Variants in OSBPL6 observed in about 807,000 individuals in gnomAD.
The protein encoded by OSBPL6 is oxysterol-binding protein-related protein 6.
Under a neutral mutation model 125.8 loss-of-function variants are expected in OSBPL6, and 49 were observed. The observed-to-expected ratio is 0.39, with a 90% confidence interval of 0.31 to 0.49. The LOEUF (loss-of-function observed/expected upper bound fraction) is 0.49. Among genes scored for constraint, OSBPL6 ranks in the 20% least tolerant of loss-of-function variants. OSBPL6 has a pLI of 0.88. For synonymous variants in OSBPL6, 394 were observed against 391.8 expected, an observed-to-expected ratio of 1.01 and a Z score of -0.07; for missense variants, 986 against 1,135.4, an observed-to-expected ratio of 0.87 and a Z score of 1.89.
At position 178,246,895 on chromosome 2, in the gene OSBPL6, G is replaced by A. The variant is rs114093948; in HGVS notation, c.-350-38032G>A. Among the ~76,000 whole-genome samples the A allele has an allele frequency of 2.8e-3, 429 of 152,192 alleles. 5 individuals carry two copies. The highest frequency in any genetic ancestry group is 0.01 in the African/African-American group (419 of 41,500). On this transcript the variant is annotated intron_variant, in intron 1 of 24. Transcript: ENST00000190611. ...GCCTTCGTCACAGGGACAGAGCCAC[G>A]TCTCTTCACAATCACTAGCAGCTGT...
chr2:178,384,921 A>C (rs768976485), intron 18 of OSBPL6, among the ~76,000 whole-genome samples: 1 of 152,178 alleles, frequency 6.6e-6, no homozygotes, highest in African/African-American at 2.4e-5. Flanking sequence ...TTAGGAATAA[A>C]ATGGGAGGCA....
chr2:178,284,446 A>G (rs1249971358), intron 1 of OSBPL6, among the ~76,000 whole-genome samples: 1 of 152,112 alleles, frequency 6.6e-6, no homozygotes, highest in African/African-American at 2.4e-5. Flanking sequence ...CCAGCTACTC[A>G]GGAGGCTGAG....
chr2:178,283,807 A>G (rs926979701), intron 1 of OSBPL6, among the ~76,000 whole-genome samples: 4 of 152,192 alleles, frequency 2.6e-5, no homozygotes, highest in Admixed American at 1.3e-4. Flanking sequence ...CAGAGATCAC[A>G]TGGTGACAGA....
Position 178,382,805 on chromosome 2 carries a change from A to G in OSBPL6, c.1622-219A>G, listed in dbSNP as rs1251069156. ...CTTAGCCTGTCTTGTCTTGAATGAT[A>G]TTTGAGTGTATCTAATGCCTTATTT... On this transcript the variant is annotated intron_variant, in intron 16 of 24. Transcript: ENST00000190611. The G allele has an allele frequency of 2.8e-6, 4 of 1,405,758 alleles. No homozygotes were observed. The South Asian group carries it at 6.3e-5, about 22-fold the overall frequency. The allele number at this position is 1,405,758 out of a possible 1,614,324, so 87.1% of individuals were successfully genotyped here.
intron 9 of OSBPL6, among the ~76,000 whole-genome samples, chr2:178,337,058 A>T (rs1421856401): frequency 6.6e-6 from 1 of 152,054 alleles, no homozygotes; most frequent in Non-Finnish European, 1.5e-5. Flanking sequence ...ATCTCTTCTT[A>T]CCTTCACCTT....
intron 3 of OSBPL6, among the ~76,000 whole-genome samples, chr2:178,307,203 G>A (rs1686841063): frequency 6.6e-6 from 1 of 152,074 alleles, no homozygotes; most frequent in South Asian, 2.1e-4. Flanking sequence ...AGGAGTGTGA[G>A]CATCAGTTAT....
chr2:178,368,024 C>A (rs760010540), intron 13 of OSBPL6, among the ~76,000 whole-genome samples: 4 of 152,126 alleles, frequency 2.6e-5, no homozygotes, highest in African/African-American at 9.7e-5. Flanking sequence ...TGGGTATATG[C>A]CCTACTTTAT....
At chr2:178,221,290 T>G (rs546937477) in intron 1 of OSBPL6, among the ~76,000 whole-genome samples, 2 of 152,196 alleles carry the variant, frequency 1.3e-5, no homozygotes, top group Non-Finnish European at 2.9e-5. Flanking sequence ...TTGTTTAAAT[T>G]TGGGTGACCA....
intron 23 of OSBPL6, among the ~76,000 whole-genome samples, chr2:178,393,387 G>A (rs957216128): frequency 2.0e-4 from 30 of 152,154 alleles, no homozygotes; most frequent in Admixed American, 1.7e-3. Flanking sequence ...ATGTAGCTCT[G>A]AACTCATGAT....
At chr2:178,336,259 G>T (rs1165334534) in intron 8 of OSBPL6, 42 bp from the exon 9 acceptor site, 1 of 1,592,362 alleles carries the variant, frequency 6.3e-7, no homozygotes, top group South Asian at 1.1e-5. Context: ...TCATTGAAAT[G>T]TACTGTTTCA....
chr2:178,224,178 G>C (rs919910319), intron 1 of OSBPL6, among the ~76,000 whole-genome samples: 1 of 152,176 alleles, frequency 6.6e-6, no homozygotes, highest in African/African-American at 2.4e-5. Flanking sequence ...ATAAAGGAAA[G>C]GGGGATCAAG....
chr2:178,270,502 G>A (rs913171581), intron 1 of OSBPL6, among the ~76,000 whole-genome samples: 1 of 152,150 alleles, frequency 6.6e-6, no homozygotes, highest in African/African-American at 2.4e-5. Flanking sequence ...CCAGCGTCAC[G>A]CAGTTAGAGG....
chr2:178,287,685 G>C (rs1684834733), intron 2 of OSBPL6, among the ~76,000 whole-genome samples: 2 of 152,010 alleles, frequency 1.3e-5, no homozygotes, highest in East Asian at 3.8e-4. Context: ...TAGATTCATA[G>C]AGCCTATCTC....
At chr2:178,333,196 C>A (rs731845) in intron 8 of OSBPL6, among the ~76,000 whole-genome samples, 155 bp downstream of exon 8, 7,555 of 152,148 alleles carry the variant, frequency 0.05, 240 homozygotes, top group South Asian at 0.15. Context: ...CCAGCCTGGG[C>A]AACATGGTGA....
In OSBPL6 at chr2:178,384,069, T is replaced by C; in HGVS notation, c.1906T>C (p.Tyr636His). The change falls in exon 18 of 25, where the codon TAC (tyrosine) becomes CAC (histidine). Residue 636 changes from tyrosine to histidine, a missense_variant. Transcript: ENST00000190611. ...CGTTGCCGCATTTGCAGTTTCAGGA[T>C]ACTGCTCCACCTATTTCAGAGCAGG... ...VLVAAFAVSG[Y>H]CSTYFRAGSK... 6.2e-7 allele frequency: 1 copy of C among 1,614,082 alleles called. No homozygotes were observed. The highest frequency in any genetic ancestry group is 8.5e-7 in the Non-Finnish European group (1 of 1,179,914).
chr2:178,195,383 A>G (rs1244752698), intron 1 of OSBPL6, among the ~76,000 whole-genome samples: 1 of 152,206 alleles, frequency 6.6e-6, no homozygotes, highest in African/African-American at 2.4e-5. Context: ...CTTCCCCTGC[A>G]TCAAGCCGGG....
At chr2:178,218,900 T>G (rs1203403559) in intron 1 of OSBPL6, among the ~76,000 whole-genome samples, 1 of 152,284 alleles carries the variant, frequency 6.6e-6, no homozygotes, top group African/African-American at 2.4e-5. Context: ...AGTGCTGGGA[T>G]TACAGATGTG....
chr2:178,320,603 G>T (rs951543684), intron 3 of OSBPL6, among the ~76,000 whole-genome samples: 1 of 152,188 alleles, frequency 6.6e-6, no homozygotes, highest in East Asian at 1.9e-4. Context: ...CACTCTGAAA[G>T]AATATGAAAA....
rs1485295139 is a variant in OSBPL6, at chr2:178,402,756, A to C, written c.*7197A>C. The C allele has an allele frequency of 6.6e-6, 1 of 152,232 alleles. No individual in the cohort carries two copies. The highest frequency in any genetic ancestry group is 1.5e-5 in the Non-Finnish European group (1 of 68,038). 9.4% of individuals were successfully genotyped at this position (152,232 alleles called of 1,614,324 possible). A position where few individuals can be genotyped will look rare whatever the true frequency, so the allele number is the denominator to read the frequency against. On this transcript the variant is annotated 3_prime_UTR_variant, in exon 25 of 25. Coordinates refer to ENST00000190611, the MANE Select transcript of OSBPL6 (RefSeq NM_032523.4). ...GCTTGTGGTTAAATTTCCTAATGAA[A>C]GAGGAATTATTCACTGAAAAATTTG... is the stretch of plus-strand genomic sequence containing the variant.
Sources: gnomAD v4.1 joint callset for allele counts (sites outside exome capture counted in the v4.1 genomes callset) on GRCh38, gnomAD v4.1.1 for gene constraint, MANE v1.5 for transcripts, NCBI Gene and HGNC (gene_info 2026-07-23, HGNC 2026-07-21) for gene names.